The following VPS13B variants were observed in gnomAD, a reference collection of about 807,000 sequenced individuals.
VPS13B encodes intermembrane lipid transfer protein VPS13B.
Under a neutral mutation model 426.4 loss-of-function variants are expected in VPS13B, and 285 were observed. The ratio of observed to expected loss-of-function variants is 0.67; its 90% confidence interval spans 0.61 to 0.74. The LOEUF is 0.74. Ranked by LOEUF, VPS13B falls within the 30% of genes least tolerant of loss-of-function variation. The pLI is 0.00. For synonymous variants in VPS13B, 1,676 were observed against 1,676.4 expected (o/e 1.00, Z 0.01); for missense variants, 4,537 against 4,782.6 (o/e 0.95, Z 1.51).
intron 29 of VPS13B, 76 bp downstream of exon 29, chr8:99,511,588 T>C (rs1260733629): frequency 2.7e-6 from 4 of 1,477,432 alleles, no homozygotes; most frequent in Non-Finnish European, 3.7e-6. Flanking sequence ...GGTTTTTTTG[T>C]TTCTTTTAAA....
At chr8:99,074,406 A>G (rs1046646802) in intron 3 of VPS13B, among the ~76,000 whole-genome samples, 3 of 151,414 alleles carry the variant, frequency 2.0e-5, no homozygotes, top group Non-Finnish European at 2.9e-5. Context: ...AGTAAATCCT[A>G]CCTGATTAGG....
chr8:99,793,066 T>C (rs556118896), intron 43 of VPS13B, among the ~76,000 whole-genome samples: 17 of 148,914 alleles, frequency 1.1e-4, no homozygotes, highest in African/African-American at 4.0e-4. Context: ...AAATTAGGCA[T>C]GGTGGTGCAC....
At chr8:99,708,696 G>A (rs1190492122) in intron 36 of VPS13B, among the ~76,000 whole-genome samples, 1 of 151,980 alleles carries the variant, frequency 6.6e-6, no homozygotes, top group East Asian at 1.9e-4. Context: ...TTCATTTGTT[G>A]GGGAATACTG....
At chr8:99,674,529 A>G (rs1302513782) in intron 35 of VPS13B, among the ~76,000 whole-genome samples, 1 of 151,884 alleles carries the variant, frequency 6.6e-6, no homozygotes, top group Non-Finnish European at 1.5e-5. Context: ...TAATCTATTA[A>G]TTTGCTCTTT....
chr8:99,021,838 C>T (rs1467381291), intron 2 of VPS13B, among the ~76,000 whole-genome samples: 1 of 152,066 alleles, frequency 6.6e-6, no homozygotes, highest in Non-Finnish European at 1.5e-5. Context: ...GTCTCAAACT[C>T]CTGGGCTCAA....
At chr8:99,113,726 G>A (rs1364890531) in intron 6 of VPS13B, among the ~76,000 whole-genome samples, 1 of 151,966 alleles carries the variant, frequency 6.6e-6, no homozygotes, top group East Asian at 1.9e-4. Flanking sequence ...CACCAGGCCT[G>A]GCTAATTTTT....
At chr8:99,495,777 G>T (rs778882227) in intron 25 of VPS13B, among the ~76,000 whole-genome samples, 2 of 152,170 alleles carry the variant, frequency 1.3e-5, no homozygotes, top group Non-Finnish European at 2.9e-5. Context: ...GGCTGAGATA[G>T]ATATTGCTTT....
chr8:99,019,456 T>C (rs1482176442), intron 2 of VPS13B, among the ~76,000 whole-genome samples: 2 of 152,096 alleles, frequency 1.3e-5, no homozygotes, highest in Non-Finnish European at 2.9e-5. Flanking sequence ...CACCTTGGCC[T>C]CCCAAAGTGC....
intron 4 of VPS13B, among the ~76,000 whole-genome samples, chr8:99,102,454 C>T (rs1438938954): frequency 6.6e-6 from 1 of 152,050 alleles, no homozygotes; most frequent in Non-Finnish European, 1.5e-5. Flanking sequence ...TTTCTTCTAT[C>T]CGAGGCATAA....
intron 4 of VPS13B, among the ~76,000 whole-genome samples, chr8:99,100,112 T>C (rs1846651267): frequency 6.6e-6 from 1 of 152,168 alleles, no homozygotes; most frequent in African/African-American, 2.4e-5. Flanking sequence ...TAGAGACGGT[T>C]TGTCATTTAT....
Position 99,370,567 on chromosome 8 carries a change from A to G in VPS13B, c.2825-13641A>G, listed in dbSNP as rs368229948. 2.0e-5 allele frequency among the ~76,000 whole-genome samples: 3 copies of G among 151,228 alleles called. No homozygotes were observed. The East Asian group carries it at 5.8e-4, about 29-fold the overall frequency. ...TTAATCTGATTTATCCTCTAAATGC[A>G]TAAAATCTGTAGATGTCTACATATA... On this transcript the variant is annotated intron_variant, in intron 19 of 61. Coordinates refer to ENST00000357162, the MANE Select transcript of VPS13B (RefSeq NM_152564.5).
intron 43 of VPS13B, among the ~76,000 whole-genome samples, chr8:99,805,422 C>A (rs2130774462): frequency 6.6e-6 from 1 of 152,244 alleles, no homozygotes; most frequent in East Asian, 1.9e-4. Flanking sequence ...ATTTAACCAT[C>A]CACTTTCTCT....
chr8:99,746,143 G>A (rs190196435), intron 39 of VPS13B, among the ~76,000 whole-genome samples: 9 of 151,936 alleles, frequency 5.9e-5, no homozygotes, highest in Middle Eastern at 6.8e-3. Context: ...TTATAATATC[G>A]TTTAACATGT....
At chr8:99,399,033 T>C (rs1814895486) in intron 21 of VPS13B, among the ~76,000 whole-genome samples, 1 of 152,048 alleles carries the variant, frequency 6.6e-6, no homozygotes, top group Non-Finnish European at 1.5e-5. Flanking sequence ...AGCATGAAGG[T>C]AGACACTATT....
chr8:99,104,156 A>G (rs188437915), intron 5 of VPS13B, among the ~76,000 whole-genome samples: 90 of 152,330 alleles, frequency 5.9e-4, no homozygotes, highest in African/African-American at 2.0e-3. Flanking sequence ...GGTATTGGCT[A>G]TTATTGCTCC....
intron 21 of VPS13B, among the ~76,000 whole-genome samples, chr8:99,418,666 A>G (rs1816208197): frequency 6.6e-6 from 1 of 152,006 alleles, no homozygotes; most frequent in African/African-American, 2.4e-5. Context: ...CTCCTGCCTC[A>G]GCCTCCAGAG....
intron 2 of VPS13B, among the ~76,000 whole-genome samples, chr8:99,026,877 T>C (rs1285497979): frequency 6.6e-6 from 1 of 152,158 alleles, no homozygotes; most frequent in Non-Finnish European, 1.5e-5. Flanking sequence ...TTTATTTATT[T>C]TTTTTTTCCC....
At chr8:99,107,314 C>T (rs1171082510) in intron 5 of VPS13B, among the ~76,000 whole-genome samples, 2 of 152,002 alleles carry the variant, frequency 1.3e-5, no homozygotes, top group Non-Finnish European at 2.9e-5. Context: ...AAAGAATAGA[C>T]AACTCAGTAG....
chr8:99,676,942 C>T (rs1830959175), intron 35 of VPS13B, among the ~76,000 whole-genome samples: 1 of 152,008 alleles, frequency 6.6e-6, no homozygotes, highest in South Asian at 2.1e-4. Context: ...CCAGCCTGGC[C>T]AACATGGCAA....
Sources: allele counts gnomAD v4.1 joint callset (sites outside exome capture counted in the v4.1 genomes callset), GRCh38; gene constraint gnomAD v4.1.1; transcripts MANE v1.5; gene names NCBI Gene and HGNC (gene_info 2026-07-23, HGNC 2026-07-21).